PHF14: variants seen among roughly 807,000 people sequenced by gnomAD.
PHF14 encodes the protein PHD finger protein 14.
In PHF14, 55 loss-of-function variants were observed where a neutral mutation model predicts 117.9. The ratio of observed to expected loss-of-function variants is 0.47; its 90% CI spans 0.38 to 0.58. The LOEUF (loss-of-function observed/expected upper bound fraction) is 0.58, where lower values mean the gene tolerates loss of function less well. Ranked by LOEUF, PHF14 falls within the 20% of genes least tolerant of loss-of-function variation. The pLI is 0.00. For missense variants in PHF14, 978 were observed against 1,122.2 expected, an observed-to-expected ratio of 0.87 and a Z score of 1.84; for synonymous variants, 409 against 368.6, an observed-to-expected ratio of 1.11 and a Z score of -1.26.
intron 16 of PHF14, among the ~76,000 whole-genome samples, chr7:11,094,376 G>C (rs1276990224): frequency 6.6e-6 from 1 of 152,130 alleles, no homozygotes. Context: ...TCTAGCACTA[G>C]AGTTGTTCTG....
intron 4 of PHF14, among the ~76,000 whole-genome samples, chr7:10,998,001 A>G (rs1782723013): frequency 6.6e-6 from 1 of 152,192 alleles, no homozygotes; most frequent in Non-Finnish European, 1.5e-5. Flanking sequence ...TGCCTACCAC[A>G]TGTGCAGAGA....
intron 2 of PHF14, among the ~76,000 whole-genome samples, chr7:10,975,221 CTTATA>C (rs1781819091): frequency 1.3e-5 from 2 of 152,158 alleles, no homozygotes; most frequent in Non-Finnish European, 1.5e-5. Context: ...TATATTTATG[CTTATA>C]TTATAGAGGA....
chr7:11,039,755 A>T (rs1784441072), intron 11 of PHF14, among the ~76,000 whole-genome samples: 1 of 152,200 alleles, frequency 6.6e-6, no homozygotes, highest in Non-Finnish European at 1.5e-5. Flanking sequence ...GCTTTATGTG[A>T]AAAGAATGTG....
chr7:11,112,802 G>A (rs1033896572), intron 17 of PHF14, among the ~76,000 whole-genome samples: 2 of 151,480 alleles, frequency 1.3e-5, no homozygotes, highest in African/African-American at 4.8e-5. Context: ...ATTTGTATGA[G>A]GATTATTAAG....
chr7:10,983,100 G>C lies in PHF14; in HGVS notation c.841G>C (p.Ala281Pro). 1 of 1,599,378 alleles carries C rather than the reference G, an allele frequency of 6.3e-7. No individual in the cohort carries two copies. Among genetic ancestry groups the C allele is most frequent in the Non-Finnish European group, 8.5e-7 (1 of 1,179,686 alleles). Residue 281 changes from alanine to proline, a missense_variant, in exon 3 of 18, where the codon GCT (alanine) becomes CCT (proline). By Grantham distance (27) the Ala-to-Pro change is conservative. Coordinates refer to ENST00000634607, the MANE Select transcript of PHF14 (RefSeq NM_001007157.2). ...GAGTAAAGTTCTTAGCAGAAACAGT[G>C]CTGATGATGAGGAACTGACCAATGA... The part of the protein sequence containing the change: ...KKSKVLSRNS[A>P]DDEELTNDSL...
At chr7:11,103,396 T>G in intron 16 of PHF14, 2 of 979,040 alleles carry the variant, frequency 2.0e-6, no homozygotes, top group Non-Finnish European at 2.4e-6. Context: ...CAAAGATTAT[T>G]GACTATACAA....
At chr7:11,150,797 G>C (rs1027718030) in intron 17 of PHF14, among the ~76,000 whole-genome samples, 1 of 152,060 alleles carries the variant, frequency 6.6e-6, no homozygotes, top group African/African-American at 2.4e-5. Flanking sequence ...AATGATTCAG[G>C]CTACTTAGAT....
intron 17 of PHF14, among the ~76,000 whole-genome samples, chr7:11,161,735 T>G (rs915016225): frequency 2.7e-5 from 4 of 148,244 alleles, no homozygotes; most frequent in African/African-American, 9.8e-5. Flanking sequence ...AATATTATAT[T>G]TTATTTAAAT....
chr7:11,117,627 A>G (rs1206157641), intron 17 of PHF14, among the ~76,000 whole-genome samples: 1 of 147,452 alleles, frequency 6.8e-6, no homozygotes, highest in Non-Finnish European at 1.5e-5. Flanking sequence ...ATTTGTATGT[A>G]TAAATATGTA....
rs1284782773 is a variant in PHF14 at position 11,130,726 on chromosome 7, T to G, written c.2772+19259T>G. 1.3e-5 allele frequency among the ~76,000 whole-genome samples: 2 copies of G among 151,950 alleles called. No homozygotes were observed. Among genetic ancestry groups the G allele is most frequent in the African/African-American group, 4.8e-5 (2 of 41,418 alleles). The stretch of plus-strand genomic sequence containing the variant: ...TATAACTTATTTTTTGTGTGGTACA[T>G]TCTGTGGGTTTTGACAGTTGTAATA... On this transcript the variant is annotated intron_variant, in intron 17 of 17. Coordinates refer to ENST00000634607, the MANE Select transcript of PHF14 (RefSeq NM_001007157.2). The surrounding 1 kb of genome is among the most constrained non-coding windows in gnomAD (Gnocchi z 4.2).
At chr7:11,010,853 C>T (rs1401144561) in intron 4 of PHF14, among the ~76,000 whole-genome samples, 1 of 152,092 alleles carries the variant, frequency 6.6e-6, no homozygotes, top group Non-Finnish European at 1.5e-5. Flanking sequence ...CAGGGCCTTA[C>T]TATGTTGCCC....
At chr7:11,127,687 A>ACCTTTCCTCATTCTTCAGACTTCT (rs1419619241) in intron 17 of PHF14, among the ~76,000 whole-genome samples, 1 of 152,042 alleles carries the variant, frequency 6.6e-6, no homozygotes, top group African/African-American at 2.4e-5. Flanking sequence ...CTCCAGTTTC[A>ACCTTTCCTCATTCTTCAGACTTCT]CCTTTCCTCA....
chr7:11,076,069 G>A (rs1471813886), intron 16 of PHF14, among the ~76,000 whole-genome samples: 2 of 152,188 alleles, frequency 1.3e-5, no homozygotes, highest in Non-Finnish European at 2.9e-5. Context: ...AACCCGGGAG[G>A]TGGAGCTTGC....
rs143841881 is a variant in PHF14, at chr7:11,076,732, T to C, written c.2654+14647T>C. Among the ~76,000 whole-genome samples the C allele has an allele frequency of 6.6e-3, 997 of 152,068 alleles. 11 individuals carry two copies. The highest frequency in any genetic ancestry group is 0.022 in the African/African-American group (933 of 41,494). On this transcript the variant is annotated intron_variant, in intron 16 of 17. Coordinates refer to ENST00000634607, the MANE Select transcript of PHF14 (RefSeq NM_001007157.2). ...ACAGGTGCACACCACCACACCCGAC[T>C]AATTTTTGTATTTTTGGTAGAGATG... is the stretch of plus-strand genomic sequence containing the variant.
chr7:11,013,369 C>A (rs1409681504), intron 4 of PHF14, among the ~76,000 whole-genome samples: 1 of 152,024 alleles, frequency 6.6e-6, no homozygotes, highest in Non-Finnish European at 1.5e-5. Flanking sequence ...ACCGTGTTGG[C>A]CAGGCTGGTC....
chr7:11,061,914 T>C, intron 15 of PHF14, 50 bp from the exon 16 acceptor site: 1 of 1,535,866 alleles, frequency 6.5e-7, no homozygotes, highest in Admixed American at 2.1e-5. Flanking sequence ...GTTTCCCTCA[T>C]ATCCTTATTT....
At chr7:11,099,222 GTC>G (rs373588595) in intron 16 of PHF14, among the ~76,000 whole-genome samples, 5 of 152,040 alleles carry the variant, frequency 3.3e-5, no homozygotes, top group African/African-American at 1.2e-4. Context: ...TGGCTAACCT[GTC>G]TAACACATTT....
intron 11 of PHF14, among the ~76,000 whole-genome samples, chr7:11,039,370 C>A (rs922793124): frequency 6.6e-6 from 1 of 151,198 alleles, no homozygotes; most frequent in Non-Finnish European, 1.5e-5. Context: ...TGTATTTTTC[C>A]CCTTTAACAG....
chr7:10,989,481 T>G (rs940750882), intron 3 of PHF14, among the ~76,000 whole-genome samples: 1 of 152,230 alleles, frequency 6.6e-6, no homozygotes, highest in African/African-American at 2.4e-5. Flanking sequence ...TTTTATTATA[T>G]GTAATGTTAA....
Sources: gnomAD v4.1 joint callset for allele counts (sites outside exome capture counted in the v4.1 genomes callset) on GRCh38, gnomAD v4.1.1 for gene constraint, Gnocchi (gnomAD v3.1) non-coding constraint, MANE v1.5 for transcripts, NCBI Gene and HGNC (gene_info 2026-07-23, HGNC 2026-07-21) for gene names.